The following ZNF512B variants were observed in gnomAD, a reference collection of about 807,000 sequenced individuals.
The protein encoded by ZNF512B is zinc finger protein 512B.
Under a neutral mutation model 87.8 loss-of-function variants are expected in ZNF512B, and 22 were observed. The ratio of observed to expected loss-of-function variants is 0.25; its 90% CI spans 0.18 to 0.36. The LOEUF is 0.36. Among genes scored for constraint, ZNF512B ranks in the 10% least tolerant of loss-of-function variants. The probability of loss-of-function intolerance (pLI) is 1.00; values close to 1 mark genes in which losing one functional copy is unlikely to be tolerated. For synonymous variants in ZNF512B, 524 were observed against 490.9 expected (o/e 1.07, Z -0.89); for missense variants, 1,060 against 1,231.6 (o/e 0.86, Z 2.09).
At position 63,962,741 on chromosome 20, in the gene ZNF512B, T is replaced by A. The variant is rs756978652; in HGVS notation, c.2009A>T (p.Asp670Val). The A allele has an allele frequency of 2.5e-6, 4 of 1,603,042 alleles. No homozygotes were observed. In the African/African-American group the frequency reaches 4.0e-5, roughly 16 times the overall value. Reference protein sequence around the residue: ...EPTDKSPEAEDPLGVERTPSG... With the variant: ...EPTDKSPEAEVPLGVERTPSG... ...TGGGGTCCGCTCCACACCCAGCGGG[T>A]CCTCAGCCTCAGGGGACTTGTCTGT... Residue 670 changes from aspartate to valine, a missense_variant, in exon 13 of 17, where the codon GAC becomes GTC. Asp to Val is a radical substitution (Grantham distance 152). Transcript: ENST00000369888.
At position 63,963,271 on chromosome 20, in the gene ZNF512B, G is replaced by A. The variant is rs772122371; in HGVS notation, c.1798-6C>T. ...GAGAAGGCAGCCCCGCAACCCTGGGGGTCAGGCCAGAGGGTGGGTGAGTGG... is the reference window on the plus strand; with the variant it reads ...GAGAAGGCAGCCCCGCAACCCTGGGAGTCAGGCCAGAGGGTGGGTGAGTGG... On this transcript the variant is annotated splice_polypyrimidine_tract_variant and splice_region_variant and intron_variant, in intron 11 of 16. Transcript: ENST00000369888. 10 of 1,543,082 alleles carry A rather than the reference G, an allele frequency of 6.5e-6. No homozygotes were observed. Among genetic ancestry groups the A allele is most frequent in the Non-Finnish European group, 8.7e-6 (10 of 1,148,096 alleles).
At position 63,959,068 on chromosome 20, in the gene ZNF512B, TGGA is replaced by T. The variant is rs2058823581; in HGVS notation, c.*817_*819del. 1.3e-5 allele frequency: 2 copies of T among 152,538 alleles called. No individual in the cohort carries two copies. The highest frequency in any genetic ancestry group is 4.8e-5 in the African/African-American group (2 of 41,438). 9.4% of individuals were successfully genotyped at this position (152,538 alleles called of 1,614,324 possible). A position where few individuals can be genotyped will look rare whatever the true frequency, so the allele number is the denominator to read the frequency against. On this transcript the variant is annotated 3_prime_UTR_variant, in exon 17 of 17. Transcript: ENST00000369888. ...CCTGCAGTGCCAGAAGGCTGAACAC[TGGA>T]GGAGAGCACACTCCAGGGGCCCCAC...
chr20:63,960,569 T>G (rs1354659980), intron 16 of ZNF512B, among the ~76,000 whole-genome samples: 1 of 111,500 alleles, frequency 9.0e-6, no homozygotes, highest in African/African-American at 3.4e-5. Flanking sequence ...GACACAGCCT[T>G]CAGGACCAGG....
chr20:63,963,721 C>G lies in ZNF512B; in HGVS notation c.1606-11G>C. The G allele has an allele frequency of 6.2e-7, 1 of 1,613,280 alleles. No individual in the cohort carries two copies. Among genetic ancestry groups the G allele is most frequent in the Non-Finnish European group, 8.5e-7 (1 of 1,180,026 alleles). ...GAGTGCATCCTGAAGCTGCAGATGG[C>G]CCACATGTGAGAAGCCTGCCTGGGG... On this transcript the variant is annotated splice_polypyrimidine_tract_variant and intron_variant, in intron 9 of 16. Transcript: ENST00000369888.
At chr20:63,960,924 C>T (rs2058843900) in intron 16 of ZNF512B, among the ~76,000 whole-genome samples, 2 of 149,280 alleles carry the variant, frequency 1.3e-5, no homozygotes, top group South Asian at 4.3e-4. Flanking sequence ...CAGGCAAGCA[C>T]CTGCAGCAGG....
chr20:63,968,093 G>GT, intron 1 of ZNF512B, 141 bp from the exon 2 acceptor site: 1 of 1,094,848 alleles, frequency 9.1e-7, no homozygotes, highest in Non-Finnish European at 1.3e-6. Context: ...TGTTCACGTG[G>GT]GAAAAGCAAG....
intron 10 of ZNF512B, 59 bp from the exon 11 acceptor site, chr20:63,963,499 C>T (rs2058880109): frequency 1.3e-6 from 2 of 1,551,710 alleles, no homozygotes; most frequent in Admixed American, 1.9e-5. Context: ...CTGCCCTGGC[C>T]CCGCCCCGCC....
At position 63,961,792 on chromosome 20, in the gene ZNF512B, G is replaced by T; in HGVS notation, c.2328+150C>A. On this transcript the variant is annotated intron_variant, in intron 15 of 16. Coordinates refer to ENST00000369888, the MANE Select transcript of ZNF512B (RefSeq NM_020713.3). The surrounding 1 kb of genome is among the most constrained non-coding windows in gnomAD (Gnocchi z 6.4). ...GTCCTAGGCTGGCCATCAGCCACCGGCCAGTCTCTGGGTTCGTGGAAGAGG... is the reference window on the plus strand; with the variant it reads ...GTCCTAGGCTGGCCATCAGCCACCGTCCAGTCTCTGGGTTCGTGGAAGAGG... The T allele has an allele frequency of 1.2e-6, 1 of 805,088 alleles. No homozygotes were observed. Among genetic ancestry groups the T allele is most frequent in the Non-Finnish European group, 2.0e-6 (1 of 501,880 alleles). The allele number at this position is 805,088 out of a possible 1,614,324, so 49.9% of individuals were successfully genotyped here.
chr20:63,962,235 T>C, intron 14 of ZNF512B, 38 bp downstream of exon 14: 1 of 1,565,454 alleles, frequency 6.4e-7, no homozygotes, highest in Non-Finnish European at 8.6e-7. Flanking sequence ...TGGCCCTGTA[T>C]GGCTCCCCAC....
chr20:63,962,835 G>C, intron 12 of ZNF512B, 54 bp from the exon 13 acceptor site: 1 of 1,502,132 alleles, frequency 6.7e-7, no homozygotes, highest in Non-Finnish European at 8.9e-7. Flanking sequence ...CAAGAGTCAG[G>C]TCAGCGCGCG....
Position 63,959,996 on chromosome 20 carries a change from C to T in ZNF512B, c.2571G>A (p.Val857=), listed in dbSNP as rs372663740. The change falls in exon 17 of 17, where the codon GTG becomes GTA. Residue 857 remains valine (V), a synonymous_variant. Coordinates refer to ENST00000369888, the MANE Select transcript of ZNF512B (RefSeq NM_020713.3). ...CGTCCCGGCGCGGGGGCAGCTTGGC[C>T]ACAGGCTCCTCTGGGGTCCGCTCCT... The part of the protein sequence containing the change: ...KPKERTPEEP[V]AKLPPRRDDW... 2 of 1,613,242 alleles carry T rather than the reference C, an allele frequency of 1.2e-6. No homozygotes were observed. The highest frequency in any genetic ancestry group is 2.2e-5 in the South Asian group (2 of 91,090).
chr20:63,966,351 G>A lies in ZNF512B; in HGVS notation c.824C>T (p.Pro275Leu). The change falls in exon 5 of 17, where the codon CCC (proline) becomes CTC (leucine). Residue 275 changes from proline to leucine, a missense_variant. Around this residue, in one of 9 missense-constraint regions of ZNF512B, gnomAD observed 201 missense variants for 226.8 expected, o/e 0.89. Transcript: ENST00000369888. ...TGTCACAAGCTTTGTTACCGTAATGGGTTTGGTGACAGGTACGGGTTTGGT... is the reference window on the plus strand; with the variant it reads ...TGTCACAAGCTTTGTTACCGTAATGAGTTTGGTGACAGGTACGGGTTTGGT... ...PVTKPVPVTK[P>L]ITVTKLVTVT... 2 of 1,593,868 alleles carry A rather than the reference G, an allele frequency of 1.3e-6. No homozygotes were observed. The highest frequency in any genetic ancestry group is 1.7e-6 in the Non-Finnish European group (2 of 1,165,768).
rs1265001211 is a variant in ZNF512B, at chr20:63,962,693, G to A, written c.2057C>T (p.Ser686Leu). ...RTPSGRVRRT[S>L]AQVAVFHLQE... is the part of the protein sequence containing the mutation. ...CAGGTGGAACACCGCCACCTGGGCC[G>A]ACGTGCGGCGGACACGCCCGCTTGG... The change falls in exon 13 of 17, where the codon TCG becomes TTG. Residue 686 changes from serine (S) to leucine (L), a missense_variant. Coordinates refer to ENST00000369888, the MANE Select transcript of ZNF512B (RefSeq NM_020713.3). 2 of 1,602,774 alleles carry A rather than the reference G, an allele frequency of 1.2e-6. No individual in the cohort carries two copies. The highest frequency in any genetic ancestry group is 1.7e-6 in the Non-Finnish European group (2 of 1,176,314).
rs761054176 is a variant in ZNF512B at position 63,964,733 on chromosome 20, A to G, written c.1035-17T>C. The G allele has an allele frequency of 6.2e-7, 1 of 1,608,232 alleles. No individual in the cohort carries two copies. The highest frequency in any genetic ancestry group is 8.5e-7 in the Non-Finnish European group (1 of 1,178,420). On this transcript the variant is annotated splice_polypyrimidine_tract_variant and intron_variant, in intron 5 of 16. Coordinates refer to ENST00000369888, the MANE Select transcript of ZNF512B (RefSeq NM_020713.3). Reference sequence around the variant, plus strand: ...TCCGCAGCCCTGCAGGGAGCAGGTGAGGTGAGGGCCAGGAGGGCCTAACTG... The same window carrying G: ...TCCGCAGCCCTGCAGGGAGCAGGTGGGGTGAGGGCCAGGAGGGCCTAACTG...
chr20:63,967,472 C>CA lies in ZNF512B; in HGVS notation c.172dup (p.Cys58LeufsTer3). ...ACTGGCTGGACTTCCCGGGTCAAAG[C>CA]AGAGAGGGGCCTGGCCGGGCACTGT... On this transcript the variant is annotated frameshift_variant, in exon 3 of 17. Coordinates refer to ENST00000369888, the MANE Select transcript of ZNF512B (RefSeq NM_020713.3). LOFTEE classifies it high-confidence loss of function. 1 of 1,612,666 alleles carries CA rather than the reference C, an allele frequency of 6.2e-7. No homozygotes were observed. Among genetic ancestry groups the CA allele is most frequent in the Non-Finnish European group, 8.5e-7 (1 of 1,179,428 alleles).
At chr20:63,969,585 G>A (rs555154780) in intron 1 of ZNF512B, among the ~76,000 whole-genome samples, 2,182 of 148,088 alleles carry the variant, frequency 0.015, 19 homozygotes, top group Non-Finnish European at 0.025. Flanking sequence ...GCCGATCGCG[G>A]GCGCGGGGTG....
rs1224141422 is a variant in ZNF512B at position 63,961,684 on chromosome 20, C to T, written c.2328+258G>A. Reference sequence around the variant, plus strand: ...GTGCCATCTGCGTGGGTCGGGGTGCCCACCCATGCCTACATGGACGCAGAG... The same window carrying T: ...GTGCCATCTGCGTGGGTCGGGGTGCTCACCCATGCCTACATGGACGCAGAG... On this transcript the variant is annotated intron_variant, in intron 15 of 16. Coordinates refer to ENST00000369888, the MANE Select transcript of ZNF512B (RefSeq NM_020713.3). The surrounding 1 kb of genome is among the most constrained non-coding windows in gnomAD (Gnocchi z 6.4). 1.3e-5 allele frequency among the ~76,000 whole-genome samples: 2 copies of T among 152,138 alleles called. No individual in the cohort carries two copies. The highest frequency in any genetic ancestry group is 6.5e-5 in the Admixed American group (1 of 15,284).
At chr20:63,963,547 G>A (rs2058881043) in intron 10 of ZNF512B, 71 bp downstream of exon 10, 1 of 1,599,246 alleles carries the variant, frequency 6.3e-7, no homozygotes, top group Non-Finnish European at 8.5e-7. Context: ...TTAGAAACCG[G>A]GGGCACTGCG....
At position 63,963,770 on chromosome 20, in the gene ZNF512B, C is replaced by T; in HGVS notation, c.1605+19G>A. 1 of 1,613,072 alleles carries T rather than the reference C, an allele frequency of 6.2e-7. No individual in the cohort carries two copies. ...GGCCAGGGCGCCTCCCTCCCAGCGC[C>T]TTCCGGGAGCTGCCTTACCTTCTGA... On this transcript the variant is annotated intron_variant, in intron 9 of 16. Transcript: ENST00000369888.
Sources: gnomAD v4.1 joint callset for allele counts (sites outside exome capture counted in the v4.1 genomes callset) on GRCh38, gnomAD v4.1.1 for gene constraint, gnomAD v4.1.1 regional missense constraint, Gnocchi (gnomAD v3.1) non-coding constraint, MANE v1.5 for transcripts, NCBI Gene and HGNC (gene_info 2026-07-23, HGNC 2026-07-21) for gene names.